Variants in FMNL1 observed in about 807,000 individuals in gnomAD.
FMNL1 encodes the protein formin like 1, also known as formin-like protein 1.
A neutral mutation model predicts 121.3 loss-of-function variants in FMNL1; 43 were observed. That is an observed-to-expected ratio of 0.35 (90% CI 0.28 to 0.46). The LOEUF is 0.46. Among genes scored for constraint, FMNL1 ranks in the 20% least tolerant of loss-of-function variants. FMNL1 has a pLI of 1.00. For synonymous variants in FMNL1, 613 were observed against 613.5 expected, an observed-to-expected ratio of 1.00 and a Z score of 0.01; for missense variants, 1,191 against 1,482.4, an observed-to-expected ratio of 0.80 and a Z score of 3.23.
intron 1 of FMNL1, among the ~76,000 whole-genome samples, chr17:45,223,935 C>T (rs755403563): frequency 2.6e-5 from 4 of 152,136 alleles, no homozygotes; most frequent in Non-Finnish European, 5.9e-5. Flanking sequence ...GACTTGTTTG[C>T]CCTGCTTGGA....
chr17:45,244,231 G>A lies in FMNL1; in HGVS notation c.2504G>A (p.Arg835His). The A allele has an allele frequency of 1.9e-6, 3 of 1,611,252 alleles. No individual in the cohort carries two copies. The highest frequency in any genetic ancestry group is 1.7e-4 in the Middle Eastern group (1 of 6,060). ...SMSIKSSDKLRQILEIVLAFG... is the reference protein window; with the variant it reads ...SMSIKSSDKLHQILEIVLAFG... ...TCCATCAAGTCCTCTGACAAACTCC[G>A]CCAGATCCTGGAGGTGAGGGGCCAG... Residue 835 changes from arginine (R) to histidine (H), a missense_variant, in exon 19 of 27, where the codon CGC (arginine) becomes CAC (histidine). Arg to His is a conservative substitution (Grantham distance 29). This residue lies in a region of FMNL1 where 367 missense variants were observed against 528.6 expected (regional missense o/e 0.69). Transcript: ENST00000331495.
chr17:45,222,921 C>G (rs904677295), intron 1 of FMNL1, among the ~76,000 whole-genome samples: 1 of 152,164 alleles, frequency 6.6e-6, no homozygotes, highest in Non-Finnish European at 1.5e-5. Context: ...AACCACCCCC[C>G]TCTGTGCCTA....
intron 6 of FMNL1, 111 bp from the exon 7 acceptor site, chr17:45,236,024 TG>T: frequency 1.2e-6 from 1 of 812,910 alleles, no homozygotes; most frequent in Non-Finnish European, 2.0e-6. Context: ...AGATGGGATG[TG>T]GTGCCGTCAG....
In FMNL1 at chr17:45,244,024, C is replaced by T. The variant is rs1231111963; in HGVS notation, c.2447C>T (p.Pro816Leu). Residue 816 changes from proline to leucine, a missense_variant and splice_region_variant, in exon 18 of 27, where the codon CCG becomes CTG. By Grantham distance (98) the Pro-to-Leu change is moderately conservative. Transcript: ENST00000331495. ...CCGGACACAGCCCAGCTGCTCATGC[C>T]GGTGTGGGCGGAGCGGGCAGGGCGG... ...NFPDTAQLLM[P>L]QLNAIIAASM... 5.0e-6 allele frequency: 8 copies of T among 1,606,648 alleles called. No individual in the cohort carries two copies. The highest frequency in any genetic ancestry group is 5.9e-6 in the Non-Finnish European group (7 of 1,176,948).
Position 45,242,475 on chromosome 17 carries a change from C to T in FMNL1, c.2010+10C>T. ...TGAGAAGGTGCTGCAGGTGAGTGGC[C>T]CTGCCTGGCTCCCCATGTGGGCACC... On this transcript the variant is annotated intron_variant, in intron 16 of 26. Coordinates refer to ENST00000331495, the MANE Select transcript of FMNL1 (RefSeq NM_005892.4). The T allele has an allele frequency of 6.2e-7, 1 of 1,611,812 alleles. No individual in the cohort carries two copies.
chr17:45,228,619 G>A (rs1306570539), intron 1 of FMNL1, among the ~76,000 whole-genome samples: 1 of 152,258 alleles, frequency 6.6e-6, no homozygotes, highest in Non-Finnish European at 1.5e-5. Flanking sequence ...GCTCGGAGCA[G>A]TGCCTTGCAC....
chr17:45,244,043 A>C lies in FMNL1; in HGVS notation c.2448+18A>C, dbSNP rs757015216. ...TCATGCCGGTGTGGGCGGAGCGGGC[A>C]GGGCGGTGTGACTTGGGAGGGGATG... is the stretch of plus-strand genomic sequence containing the variant. On this transcript the variant is annotated intron_variant, in intron 18 of 26. Transcript: ENST00000331495. 1 of 1,601,304 alleles carries C rather than the reference A, an allele frequency of 6.2e-7. No individual in the cohort carries two copies. Among genetic ancestry groups the C allele is most frequent in the Non-Finnish European group, 8.5e-7 (1 of 1,173,912 alleles).
In FMNL1 at chr17:45,230,585, T is replaced by G. The variant is rs754444231; in HGVS notation, c.130-19T>G. Reference sequence around the variant, plus strand: ...GTTGGGGCCCCAGGCTCAGGGGTCTTTGTCCTCCCTGTCCCCAGAACTGCA... The same window carrying G: ...GTTGGGGCCCCAGGCTCAGGGGTCTGTGTCCTCCCTGTCCCCAGAACTGCA... On this transcript the variant is annotated intron_variant, in intron 1 of 26. Transcript: ENST00000331495. 2 of 1,613,078 alleles carry G rather than the reference T, an allele frequency of 1.2e-6. No individual in the cohort carries two copies. Among genetic ancestry groups the G allele is most frequent in the Non-Finnish European group, 1.7e-6 (2 of 1,179,470 alleles).
At chr17:45,240,753 C>A in intron 12 of FMNL1, 128 bp downstream of exon 12, 1 of 1,346,092 alleles carries the variant, frequency 7.4e-7, no homozygotes, top group East Asian at 2.5e-5. Flanking sequence ...GTGCTGCCTG[C>A]CTGGCCCCAG....
intron 1 of FMNL1, among the ~76,000 whole-genome samples, chr17:45,228,457 G>A (rs112894093): frequency 1.9e-3 from 285 of 152,328 alleles, no homozygotes; most frequent in African/African-American, 6.3e-3. Context: ...CTCAGAGTCA[G>A]CTCCAGGCTC....
intron 11 of FMNL1, among the ~76,000 whole-genome samples, chr17:45,239,804 C>CTTTTCTTTTT: frequency 6.8e-6 from 1 of 146,910 alleles, no homozygotes; most frequent in East Asian, 2.0e-4. Context: ...TCTATGATTG[C>CTTTTCTTTTT]TTTTTTTTTG....
chr17:45,233,557 G>C lies in FMNL1; in HGVS notation c.402-91G>C. The C allele has an allele frequency of 1.4e-6, 2 of 1,464,946 alleles. No individual in the cohort carries two copies. The highest frequency in any genetic ancestry group is 1.9e-6 in the Non-Finnish European group (2 of 1,060,942). 90.7% of individuals were successfully genotyped at this position (1,464,946 alleles called of 1,614,324 possible). ...CATTGGGTCTTTGGGGGTTGAAAGG[G>C]CACCCCAGGGGTCCTTGCTGTCCCT... On this transcript the variant is annotated intron_variant, in intron 4 of 26. Transcript: ENST00000331495. The surrounding 1 kb of genome is among the most constrained non-coding windows in gnomAD (Gnocchi z 4.1).
Position 45,243,876 on chromosome 17 carries a change from C to A in FMNL1, c.2299C>A (p.Arg767Ser). 1.9e-6 allele frequency: 3 copies of A among 1,613,922 alleles called. No individual in the cohort carries two copies. Among genetic ancestry groups the A allele is most frequent in the Non-Finnish European group, 2.5e-6 (3 of 1,180,038 alleles). ...PTEYERSLIT[R>S]FEREQRPMEE... ...AGAGTATGAGCGCAGCCTCATCACC[C>A]GCTTTGAGCGGGAGCAGCGGCCAAT... is the stretch of plus-strand genomic sequence containing the variant. Residue 767 changes from arginine to serine, a missense_variant, in exon 18 of 27, where the codon CGC becomes AGC. Arg to Ser is a moderately radical substitution (Grantham distance 110, BLOSUM62 -1). Coordinates refer to ENST00000331495, the MANE Select transcript of FMNL1 (RefSeq NM_005892.4).
Position 45,241,331 on chromosome 17 carries a change from G to A in FMNL1, c.1333-51G>A, listed in dbSNP as rs770665479. On this transcript the variant is annotated intron_variant, in intron 13 of 26. Coordinates refer to ENST00000331495, the MANE Select transcript of FMNL1 (RefSeq NM_005892.4). The surrounding 1 kb of genome is among the most constrained non-coding windows in gnomAD (Gnocchi z 7.0). ...CACCCCGGGAAGAAGATGGAGGCTT[G>A]GTGCCAAGGAGCCTGCTGGTGGGCA... 6.3e-7 allele frequency: 1 copy of A among 1,592,126 alleles called. No individual in the cohort carries two copies. The highest frequency in any genetic ancestry group is 1.1e-5 in the South Asian group (1 of 89,158).
intron 1 of FMNL1, among the ~76,000 whole-genome samples, chr17:45,227,839 G>A (rs749522871): frequency 1.3e-5 from 2 of 152,182 alleles, no homozygotes; most frequent in African/African-American, 2.4e-5. Context: ...TATGGAGGAG[G>A]AAGCTGAGGT....
At chr17:45,229,104 G>A (rs1185793161) in intron 1 of FMNL1, among the ~76,000 whole-genome samples, 1 of 152,220 alleles carries the variant, frequency 6.6e-6, no homozygotes, top group East Asian at 1.9e-4. Context: ...TTGGAGGGCT[G>A]GGGGAGGGCG....
chr17:45,245,455 A>G (rs1236549920), intron 22 of FMNL1, 39 bp downstream of exon 22: 1 of 1,613,582 alleles, frequency 6.2e-7, no homozygotes, highest in East Asian at 2.2e-5. Flanking sequence ...TGGGGCATGT[A>G]GGAGCACTAG....
At chr17:45,227,631 C>G (rs2043355530) in intron 1 of FMNL1, among the ~76,000 whole-genome samples, 3 of 152,196 alleles carry the variant, frequency 2.0e-5, no homozygotes, top group Non-Finnish European at 2.9e-5. Flanking sequence ...GATGTTTTCA[C>G]AAACTTCTGC....
At position 45,244,991 on chromosome 17, in the gene FMNL1, A is replaced by C; in HGVS notation, c.2611A>C (p.Lys871Gln). Residue 871 changes from lysine (K) to glutamine (Q), a missense_variant, in exon 21 of 27, where the codon AAG (lysine) becomes CAG (glutamine). Transcript: ENST00000331495. The stretch of plus-strand genomic sequence containing the variant: ...GGTCCTTGTGCAGCTGTTGGAGATG[A>C]AGTCGACTGATCGCAAGCAGACGCT... ...LQSLDALLEMKSTDRKQTLLH... is the reference protein window; with the variant it reads ...LQSLDALLEMQSTDRKQTLLH... 6.2e-7 allele frequency: 1 copy of C among 1,613,706 alleles called. No individual in the cohort carries two copies.
Sources: allele counts gnomAD v4.1 joint callset (sites outside exome capture counted in the v4.1 genomes callset), GRCh38; gene constraint gnomAD v4.1.1; regional missense constraint gnomAD v4.1.1; non-coding constraint Gnocchi (gnomAD v3.1); transcripts MANE v1.5; gene names NCBI Gene and HGNC (gene_info 2026-07-23, HGNC 2026-07-21).